PKD1L1: variants seen among roughly 807,000 people sequenced by gnomAD.
PKD1L1 encodes polycystin-1-like protein 1.
A neutral mutation model predicts 323.4 loss-of-function variants in PKD1L1; 236 were observed. The observed-to-expected ratio is 0.73, with a 90% CI of 0.66 to 0.81. The LOEUF (loss-of-function observed/expected upper bound fraction) is 0.81, where lower values mean the gene tolerates loss of function less well. Among genes scored for constraint, PKD1L1 ranks in the 40% least tolerant of loss-of-function variants. PKD1L1 has a pLI of 0.00. For missense variants in PKD1L1, 3,320 were observed against 3,508.0 expected, an observed-to-expected ratio of 0.95 and a Z score of 1.35; for synonymous variants, 1,344 against 1,335.0, an observed-to-expected ratio of 1.01 and a Z score of -0.15.
chr7:47,823,042 A>T (rs1338755784), intron 45 of PKD1L1, among the ~76,000 whole-genome samples: 2 of 152,108 alleles, frequency 1.3e-5, no homozygotes, highest in African/African-American at 4.8e-5. Flanking sequence ...CTTTCAAATC[A>T]ATACGTTTTT....
Position 47,821,073 on chromosome 7 carries a change from T to C in PKD1L1, c.6965+3A>G, listed in dbSNP as rs754284751. The C allele has an allele frequency of 1.9e-6, 3 of 1,561,406 alleles. No individual in the cohort carries two copies. Among genetic ancestry groups the C allele is most frequent in the Admixed American group, 1.7e-5 (1 of 59,906 alleles). The stretch of plus-strand genomic sequence containing the variant: ...ATCTGGAAGAGTTACCCAAACCTCC[T>C]ACCTTGTAAATTCTTTCCGGATAGC... On this transcript the variant is annotated splice_donor_region_variant and intron_variant, in intron 46 of 56. Coordinates refer to ENST00000289672, the MANE Select transcript of PKD1L1 (RefSeq NM_138295.5).
chr7:47,845,909 T>TA (rs139258593), intron 32 of PKD1L1, among the ~76,000 whole-genome samples: 10,519 of 152,214 alleles, frequency 0.069, 563 homozygotes, highest in East Asian at 0.15. Context: ...CCTTGGCTCA[T>TA]AAAAAAGTGC....
intron 32 of PKD1L1, among the ~76,000 whole-genome samples, chr7:47,845,682 C>T (rs1377008618): frequency 2.0e-5 from 3 of 152,264 alleles, no homozygotes; most frequent in Admixed American, 2.0e-4. Flanking sequence ...CTCTGCCTCC[C>T]AGGTTCAAGC....
In PKD1L1 at chr7:47,821,625, T is replaced by A. The variant is rs144210962; in HGVS notation, c.6855-439A>T. On this transcript the variant is annotated intron_variant, in intron 45 of 56. Transcript: ENST00000289672. ...TCCCTGGGAGAAAATTTTTGTATAA[T>A]AGTGTGAGATGTGTGTTGGGGTTTA... 4.5e-3 allele frequency among the ~76,000 whole-genome samples: 687 copies of A among 151,198 alleles called. 7 individuals are homozygous for A. Among genetic ancestry groups the A allele is most frequent in the African/African-American group, 0.015 (640 of 41,388 alleles).
chr7:47,873,218 A>T (rs567883986), intron 24 of PKD1L1, among the ~76,000 whole-genome samples: 1 of 152,292 alleles, frequency 6.6e-6, no homozygotes, highest in African/African-American at 2.4e-5. Context: ...TTTTCACGGG[A>T]TGATGAAAAA....
chr7:47,886,104 T>C, intron 17 of PKD1L1, 50 bp from the exon 18 acceptor site: 2 of 1,549,156 alleles, frequency 1.3e-6, no homozygotes, highest in South Asian at 1.3e-5. Context: ...AAATATAAAA[T>C]ATTTGCTTAA....
intron 26 of PKD1L1, among the ~76,000 whole-genome samples, chr7:47,859,922 C>T (rs1456334340): frequency 6.6e-6 from 1 of 152,158 alleles, no homozygotes; most frequent in Non-Finnish European, 1.5e-5. Context: ...GCCACCACAC[C>T]CAGCCTATTT....
upstream of PKD1L1, among the ~76,000 whole-genome samples, chr7:47,951,121 G>A (rs1358881913): frequency 6.6e-6 from 1 of 152,164 alleles, no homozygotes; most frequent in Middle Eastern, 3.2e-3. Context: ...AAAATATTCT[G>A]AATAAAATTA....
intron 45 of PKD1L1, among the ~76,000 whole-genome samples, chr7:47,826,978 C>T (rs1037859162): frequency 6.6e-6 from 1 of 152,204 alleles, no homozygotes; most frequent in African/African-American, 2.4e-5. Flanking sequence ...GCTGGAGAAG[C>T]AGAAGTCCCA....
chr7:47,840,505 C>A lies in PKD1L1; in HGVS notation c.5508G>T (p.Glu1836Asp). The A allele has an allele frequency of 6.2e-7, 1 of 1,614,182 alleles. No homozygotes were observed. The highest frequency in any genetic ancestry group is 1.3e-5 in the African/African-American group (1 of 75,042). ...TGGAATTCCTTTCAAACAGGGGCTT[C>A]TCTGGACAGGAGAGCTCCTTGGTTT... The part of the protein sequence containing the change: ...LSETKELSCP[E>D]KPLFERNSRH... The change falls in exon 35 of 57, where the codon GAG becomes GAT. Residue 1836 changes from glutamate to aspartate, a missense_variant. By Grantham distance (45) the Glu-to-Asp change is conservative (BLOSUM62 2). Coordinates refer to ENST00000289672, the MANE Select transcript of PKD1L1 (RefSeq NM_138295.5). This position sits in a 1 kb window ranked among gnomAD's most constrained non-coding sequence, Gnocchi z 4.1.
chr7:47,885,575 TA>T (rs1786663518), intron 18 of PKD1L1, 110 bp downstream of exon 18: 4 of 1,413,992 alleles, frequency 2.8e-6, no homozygotes, highest in Non-Finnish European at 3.8e-6. Flanking sequence ...CTTTCTGATT[TA>T]AAGGCCCATG....
intron 41 of PKD1L1, 140 bp downstream of exon 41, chr7:47,832,950 G>T (rs1785377575): frequency 2.6e-6 from 3 of 1,155,818 alleles, no homozygotes; most frequent in Admixed American, 2.9e-5. Flanking sequence ...TTTTGGGTGG[G>T]CCCATGCCTG....
Position 47,815,286 on chromosome 7 carries a change from A to G in PKD1L1, c.7089+48T>C, listed in dbSNP as rs879478466. On this transcript the variant is annotated intron_variant, in intron 47 of 56. Transcript: ENST00000289672. ...TAGTGACTGTTTCACCCACTGCAAG[A>G]TAGCTTTTCTGAGATGATCTCCTAT... The G allele has an allele frequency of 3.8e-6, 6 of 1,597,574 alleles. No homozygotes were observed. The African/African-American group carries it at 4.0e-5, about 11-fold the overall frequency.
At chr7:47,957,331 G>A in the PKD1L1 span, 1 of 152,222 alleles carries the variant, frequency 6.6e-6, no homozygotes, top group African/African-American at 2.4e-5. Flanking sequence ...GCTGTAATTA[G>A]GCAATTAGGC....
rs185638849 is a variant in PKD1L1, at chr7:47,918,328, T to C, written c.1061-2729A>G. Among the ~76,000 whole-genome samples, 227 of 152,232 alleles carry C rather than the reference T, an allele frequency of 1.5e-3. 1 individual carries two copies. Among genetic ancestry groups the C allele is most frequent in the Middle Eastern group, 6.8e-3 (2 of 294 alleles). On this transcript the variant is annotated intron_variant, in intron 7 of 56. Coordinates refer to ENST00000289672, the MANE Select transcript of PKD1L1 (RefSeq NM_138295.5). ...AAAATATCACAATCCTAAACATATATGCACCTAACACTGGAGCTCCCAAAT... is the reference window on the plus strand; with the variant it reads ...AAAATATCACAATCCTAAACATATACGCACCTAACACTGGAGCTCCCAAAT...
intron 16 of PKD1L1, 124 bp from the exon 17 acceptor site, chr7:47,888,274 C>T (rs865971104): frequency 1.0e-6 from 1 of 958,542 alleles, no homozygotes. Flanking sequence ...ACTTCAATAG[C>T]AATGTCACAG....
intron 1 of PKD1L1, among the ~76,000 whole-genome samples, chr7:47,945,434 AGT>A (rs1416942944): frequency 2.6e-5 from 4 of 152,226 alleles, no homozygotes; most frequent in Non-Finnish European, 5.9e-5. Flanking sequence ...AGTTGAGGAA[AGT>A]GTGCAGGGAG....
rs750489277 is a variant in PKD1L1 at position 47,792,693 on chromosome 7, G to T, written c.8460C>A (p.Asn2820Lys). The change falls in exon 56 of 57, where the codon AAC becomes AAA. Residue 2820 changes from asparagine (N) to lysine (K), a missense_variant. By Grantham distance (94) the Asn-to-Lys change is moderately conservative. Transcript: ENST00000289672. ...LQLPLLEKTS[N>K]NTGEARTEES... ...CTTCTGTCCTTGCCTCCCCTGTGTTGTTGGATGTTTTTTCCAGAAGGGGGA... is the reference window on the plus strand; with the variant it reads ...CTTCTGTCCTTGCCTCCCCTGTGTTTTTGGATGTTTTTTCCAGAAGGGGGA... The T allele has an allele frequency of 1.2e-6, 2 of 1,614,104 alleles. No homozygotes were observed. The highest frequency in any genetic ancestry group is 1.7e-6 in the Non-Finnish European group (2 of 1,179,956).
intron 13 of PKD1L1, among the ~76,000 whole-genome samples, chr7:47,901,539 G>GT (rs1787089409): frequency 1.3e-5 from 2 of 152,092 alleles, no homozygotes; most frequent in South Asian, 4.1e-4. Context: ...TTTTGCTTTA[G>GT]TCCCTTTGCT....
Sources: allele counts gnomAD v4.1 joint callset (sites outside exome capture counted in the v4.1 genomes callset), GRCh38; gene constraint gnomAD v4.1.1; non-coding constraint Gnocchi (gnomAD v3.1); transcripts MANE v1.5; gene names NCBI Gene and HGNC (gene_info 2026-07-23, HGNC 2026-07-21).